The following PPARGC1B variants were observed in gnomAD, a reference collection of about 807,000 sequenced individuals.
The protein encoded by PPARGC1B is PPARG coactivator 1 beta.
In PPARGC1B, 34 loss-of-function variants were observed where a neutral mutation model predicts 101.6. That is an observed-to-expected ratio of 0.33 (90% CI 0.25 to 0.45). The LOEUF is 0.45. PPARGC1B is among the 20% of genes least tolerant of loss of function. PPARGC1B has a pLI of 1.00. For synonymous variants in PPARGC1B, 548 were observed against 539.3 expected (o/e 1.02, Z -0.22); for missense variants, 1,234 against 1,317.6 (o/e 0.94, Z 0.98).
intron 1 of PPARGC1B, among the ~76,000 whole-genome samples, chr5:149,738,035 C>G (rs888441968): frequency 3.3e-5 from 5 of 152,140 alleles, no homozygotes; most frequent in Admixed American, 2.0e-4. Context: ...AATCGAATGA[C>G]AACATGGATT....
At chr5:149,737,136 A>G (rs1459484602) in intron 1 of PPARGC1B, among the ~76,000 whole-genome samples, 1 of 152,112 alleles carries the variant, frequency 6.6e-6, no homozygotes, top group African/African-American at 2.4e-5. Flanking sequence ...CTTTTCCAGA[A>G]TGTCATATAG....
Position 149,852,173 on chromosome 5 carries a change from G to A in PPARGC1B, c.*4615G>A, listed in dbSNP as rs1759792809. Reference sequence around the variant, plus strand: ...TTGGTACCTACCTTTACAGAAAGATGAAAACAGCCCAGCTGAGTGAAATGA... The same window carrying A: ...TTGGTACCTACCTTTACAGAAAGATAAAAACAGCCCAGCTGAGTGAAATGA... On this transcript the variant is annotated 3_prime_UTR_variant, in exon 12 of 12. Transcript: ENST00000309241. 1 of 152,194 alleles carries A rather than the reference G, an allele frequency of 6.6e-6. No individual in the cohort carries two copies. Among genetic ancestry groups the A allele is most frequent in the Non-Finnish European group, 1.5e-5 (1 of 68,046 alleles). The allele number at this position is 152,194 out of a possible 1,614,324, so 9.4% of individuals were successfully genotyped here. A position where few individuals can be genotyped will look rare whatever the true frequency, so the allele number is the denominator to read the frequency against.
At chr5:149,805,938 A>G (rs968146174) in intron 1 of PPARGC1B, among the ~76,000 whole-genome samples, 3 of 152,218 alleles carry the variant, frequency 2.0e-5, no homozygotes, top group African/African-American at 7.2e-5. Flanking sequence ...ACAGGACCAG[A>G]TGGGCTGTGA....
rs1758010508 is a variant in PPARGC1B, at chr5:149,815,277, A to G, written c.79-5156A>G. 2.0e-5 allele frequency among the ~76,000 whole-genome samples: 3 copies of G among 152,210 alleles called. No homozygotes were observed. In the South Asian group the frequency reaches 6.2e-4, roughly 32 times the overall value. ...GGGTCTTCACAGAGATAATCAAGTTAAAATGAGGTCATTAGGGTGGGCCCT... is the reference window on the plus strand; with the variant it reads ...GGGTCTTCACAGAGATAATCAAGTTGAAATGAGGTCATTAGGGTGGGCCCT... On this transcript the variant is annotated intron_variant, in intron 1 of 11. Coordinates refer to ENST00000309241, the MANE Select transcript of PPARGC1B (RefSeq NM_133263.4).
intron 1 of PPARGC1B, among the ~76,000 whole-genome samples, chr5:149,742,897 G>T (rs1471907322): frequency 1.3e-5 from 2 of 152,154 alleles, no homozygotes; most frequent in African/African-American, 4.8e-5. Flanking sequence ...TGTGGCTGGG[G>T]TGGGTGGTGG....
intron 2 of PPARGC1B, among the ~76,000 whole-genome samples, chr5:149,823,082 G>C (rs138130965): frequency 1.3e-5 from 2 of 152,308 alleles, no homozygotes; most frequent in African/African-American, 4.8e-5. Context: ...TTCCATTTCT[G>C]GGACTCTTGT....
Position 149,833,173 on chromosome 5 carries a change from C to A in PPARGC1B, c.1100C>A (p.Ala367Asp). ...TACCGTCTGGCCACGCCTGTTTATGCCTCCCTCACACCTCGGTCAAGGCCC... is the reference window on the plus strand; with the variant it reads ...TACCGTCTGGCCACGCCTGTTTATGACTCCCTCACACCTCGGTCAAGGCCC... Reference protein sequence around the residue: ...KPYRLATPVYASLTPRSRPRP... With the variant: ...KPYRLATPVYDSLTPRSRPRP... The change falls in exon 5 of 12, where the codon GCC (alanine) becomes GAC (aspartate). Residue 367 changes from alanine to aspartate, a missense_variant. This residue lies in a region of PPARGC1B where 734 missense variants were observed against 768.4 expected (regional missense o/e 0.96). Coordinates refer to ENST00000309241, the MANE Select transcript of PPARGC1B (RefSeq NM_133263.4). This position sits in a 1 kb window ranked among gnomAD's most constrained non-coding sequence, Gnocchi z 4.1. 2 of 1,613,588 alleles carry A rather than the reference C, an allele frequency of 1.2e-6. No individual in the cohort carries two copies. The highest frequency in any genetic ancestry group is 1.7e-6 in the Non-Finnish European group (2 of 1,180,040).
chr5:149,752,872 A>G (rs189042293), intron 1 of PPARGC1B, among the ~76,000 whole-genome samples: 96 of 152,260 alleles, frequency 6.3e-4, no homozygotes, highest in Non-Finnish European at 9.7e-4. Flanking sequence ...TAAACAAACA[A>G]ACAAAAACAT....
intron 1 of PPARGC1B, among the ~76,000 whole-genome samples, chr5:149,804,198 G>A (rs1757522218): frequency 6.6e-6 from 1 of 152,232 alleles, no homozygotes; most frequent in Non-Finnish European, 1.5e-5. Flanking sequence ...AACTGTCCTG[G>A]GAAATAGTGC....
intron 1 of PPARGC1B, among the ~76,000 whole-genome samples, chr5:149,795,746 A>G (rs922851644): frequency 2.0e-5 from 3 of 152,070 alleles, no homozygotes; most frequent in African/African-American, 4.8e-5. Context: ...TTTTTGCAGA[A>G]CCATCCTTCC....
intron 1 of PPARGC1B, among the ~76,000 whole-genome samples, chr5:149,774,360 A>G (rs1474880831): frequency 6.6e-6 from 1 of 152,150 alleles, no homozygotes; most frequent in African/African-American, 2.4e-5. Flanking sequence ...AGGGCTAAAA[A>G]TCTGGCATAG....
chr5:149,838,339 C>A (rs189708493), intron 8 of PPARGC1B, among the ~76,000 whole-genome samples: 1 of 152,266 alleles, frequency 6.6e-6, no homozygotes, highest in Non-Finnish European at 1.5e-5. Context: ...AAAGTGAGGT[C>A]CGCAGCAATT....
chr5:149,830,905 A>T (rs371080587), intron 4 of PPARGC1B, 22 bp downstream of exon 4: 2 of 1,521,300 alleles, frequency 1.3e-6, no homozygotes, highest in South Asian at 2.2e-5. Context: ...CATGCCCCCA[A>T]ATCTACCCCA....
chr5:149,839,605 T>C (rs555105131), intron 8 of PPARGC1B, among the ~76,000 whole-genome samples: 1 of 152,312 alleles, frequency 6.6e-6, no homozygotes, highest in East Asian at 1.9e-4. Flanking sequence ...CTTCTCTGCT[T>C]TCTGGCTTTA....
At chr5:149,855,591 C>T (rs1373789380), downstream of PPARGC1B, among the ~76,000 whole-genome samples, 3 of 152,088 alleles carry the variant, frequency 2.0e-5, no homozygotes, top group Non-Finnish European at 2.9e-5. Flanking sequence ...GCATTGTGTG[C>T]GGTAATTGAA....
At chr5:149,778,331 A>G (rs764961184) in intron 1 of PPARGC1B, among the ~76,000 whole-genome samples, 7 of 151,890 alleles carry the variant, frequency 4.6e-5, no homozygotes, top group Admixed American at 2.0e-4. Flanking sequence ...GCCAGTCTGC[A>G]ACTCCGTGAT....
At chr5:149,802,466 T>C (rs1395315071) in intron 1 of PPARGC1B, among the ~76,000 whole-genome samples, 2 of 151,926 alleles carry the variant, frequency 1.3e-5, no homozygotes, top group Non-Finnish European at 2.9e-5. Flanking sequence ...TCCCCATCTG[T>C]TGTGGCCCCA....
At chr5:149,793,935 G>A (rs961562786) in intron 1 of PPARGC1B, among the ~76,000 whole-genome samples, 12 of 152,216 alleles carry the variant, frequency 7.9e-5, no homozygotes, top group African/African-American at 2.2e-4. Context: ...AGCAAGCTAC[G>A]TATGGTCCTG....
At chr5:149,776,118 A>G (rs539518527) in intron 1 of PPARGC1B, among the ~76,000 whole-genome samples, 65 of 151,926 alleles carry the variant, frequency 4.3e-4, no homozygotes, top group Non-Finnish European at 6.5e-4. Flanking sequence ...TCATACAAGT[A>G]TGTTTCTTTT....
Sources: gnomAD v4.1 joint callset for allele counts (sites outside exome capture counted in the v4.1 genomes callset) on GRCh38, gnomAD v4.1.1 for gene constraint, gnomAD v4.1.1 regional missense constraint, Gnocchi (gnomAD v3.1) non-coding constraint, MANE v1.5 for transcripts, NCBI Gene and HGNC (gene_info 2026-07-23, HGNC 2026-07-21) for gene names.